TBXAS1: variants seen among roughly 807,000 people sequenced by gnomAD.
TBXAS1 encodes the protein thromboxane A synthase 1, also known as thromboxane-A synthase.
In TBXAS1, 48 loss-of-function variants were observed where a neutral mutation model predicts 60.7. That is an observed-to-expected ratio of 0.79 (90% confidence interval 0.63 to 1.01). The LOEUF (loss-of-function observed/expected upper bound fraction) is 1.01. Among genes scored for constraint, TBXAS1 ranks in the 50% least tolerant of loss-of-function variants. TBXAS1 has a pLI of 0.00. For missense variants in TBXAS1, 685 were observed against 686.3 expected, an observed-to-expected ratio of 1.00 and a Z score of 0.02; for synonymous variants, 287 against 269.7, an observed-to-expected ratio of 1.06 and a Z score of -0.63.
rs1262349345 is a variant in TBXAS1, at chr7:139,817,103, C to A, written c.-79-12209C>A. Among the ~76,000 whole-genome samples the A allele has an allele frequency of 3.3e-5, 5 of 152,174 alleles. No individual in the cohort carries two copies. The South Asian group carries it at 1.0e-3, about 31-fold the overall frequency. ...TTTCATTAAGAAATATCTGAATCCT[C>A]CTCCACCGATCACTGTCCATTTTCT... On this transcript the variant is annotated intron_variant, in intron 4 of 16. Coordinates refer to the TBXAS1 transcript ENST00000336425.
intron 4 of TBXAS1, 127 bp from the exon 5 acceptor site, chr7:139,936,064 A>T: frequency 1.2e-6 from 1 of 857,710 alleles, no homozygotes; most frequent in South Asian, 1.3e-5. Flanking sequence ...CTCTCCTTGC[A>T]AGAGAAACCT....
At chr7:139,933,579 T>C (rs1342038967) in intron 4 of TBXAS1, among the ~76,000 whole-genome samples, 1 of 152,200 alleles carries the variant, frequency 6.6e-6, no homozygotes, top group Non-Finnish European at 1.5e-5. Context: ...AGAGAGGTAT[T>C]CCTCTGCAGA....
intron 4 of TBXAS1, among the ~76,000 whole-genome samples, chr7:139,794,404 C>A (rs1452420642): frequency 6.6e-6 from 1 of 152,134 alleles, no homozygotes; most frequent in Non-Finnish European, 1.5e-5. Context: ...CCAGCCAACA[C>A]TTTCTATATG....
At chr7:139,875,669 A>G in intron 3 of TBXAS1, 32 bp downstream of exon 3, 1 of 1,613,058 alleles carries the variant, frequency 6.2e-7, no homozygotes, top group Non-Finnish European at 8.5e-7. Context: ...TCTATTATGT[A>G]CGATATTTTC....
chr7:139,900,587 C>A (rs1437015965), intron 3 of TBXAS1, among the ~76,000 whole-genome samples: 1 of 152,160 alleles, frequency 6.6e-6, no homozygotes, highest in Non-Finnish European at 1.5e-5. Flanking sequence ...TTATGGGAAA[C>A]CCAACACAAA....
intron 4 of TBXAS1, among the ~76,000 whole-genome samples, chr7:139,917,215 GA>G (rs1184243744): frequency 6.6e-6 from 1 of 152,174 alleles, no homozygotes; most frequent in Non-Finnish European, 1.5e-5. Context: ...AGAGGGCAGT[GA>G]AACCAGAAAC....
In TBXAS1 at chr7:139,888,117, G is replaced by A. The variant is rs137991708; in HGVS notation, c.236+12480G>A. ...CAGTAAGCGCATTTTTAACCAAACC[G>A]ACCCCATTATCAACAAATGCTTGCA... On this transcript the variant is annotated intron_variant, in intron 3 of 12. Transcript: ENST00000448866. Among the ~76,000 whole-genome samples, 31 of 152,246 alleles carry A rather than the reference G, an allele frequency of 2.0e-4. No individual in the cohort carries two copies. The East Asian group carries it at 3.9e-3, about 19-fold the overall frequency.
chr7:139,920,248 T>G (rs976897188), intron 4 of TBXAS1, among the ~76,000 whole-genome samples: 10 of 152,228 alleles, frequency 6.6e-5, no homozygotes, highest in African/African-American at 1.7e-4. Flanking sequence ...CTGGGTTTTC[T>G]GTCCCCCTCT....
At chr7:139,982,663 G>T (rs1417041006) in intron 9 of TBXAS1, among the ~76,000 whole-genome samples, 1 of 152,110 alleles carries the variant, frequency 6.6e-6, no homozygotes, top group Admixed American at 6.5e-5. Flanking sequence ...TGTTCTAGTT[G>T]ATTTCATTTC....
intron 4 of TBXAS1, among the ~76,000 whole-genome samples, chr7:139,816,981 G>T (rs896077676): frequency 6.6e-6 from 1 of 152,144 alleles, no homozygotes; most frequent in African/African-American, 2.4e-5. Flanking sequence ...TCCTGGGGAA[G>T]GTCTGATTTG....
intron 4 of TBXAS1, among the ~76,000 whole-genome samples, chr7:139,924,507 G>C (rs981733203): frequency 6.6e-6 from 1 of 151,600 alleles, no homozygotes; most frequent in Admixed American, 6.6e-5. Flanking sequence ...GGATTATTAG[G>C]TTTTTTTCCT....
Position 139,907,905 on chromosome 7 carries a change from G to A in TBXAS1, c.237-3320G>A, listed in dbSNP as rs186127075. ...GCTTTAATAGTTTGTAATTTTCATA[G>A]AATTGGTCAATTTCTTTCTAGTTTT... is the stretch of plus-strand genomic sequence containing the variant. On this transcript the variant is annotated intron_variant, in intron 3 of 12. Transcript: ENST00000448866. Among the ~76,000 whole-genome samples, 166 of 152,046 alleles carry A rather than the reference G, an allele frequency of 1.1e-3. 1 individual carries two copies. Among genetic ancestry groups the A allele is most frequent in the African/African-American group, 3.8e-3 (157 of 41,538 alleles).
intron 1 of TBXAS1, among the ~76,000 whole-genome samples, chr7:139,844,563 C>A (rs942515335): frequency 2.0e-5 from 3 of 152,186 alleles, no homozygotes; most frequent in South Asian, 2.1e-4. Context: ...TAACCTGCAC[C>A]ACCATCGCGT....
At chr7:139,853,324 G>A (rs1394106528) in intron 1 of TBXAS1, among the ~76,000 whole-genome samples, 5 of 152,156 alleles carry the variant, frequency 3.3e-5, no homozygotes, top group Non-Finnish European at 1.5e-5. Context: ...TGGGCAACTG[G>A]CTGCTCTGCA....
chr7:139,787,146 A>T (rs1387114482), intron 3 of TBXAS1, among the ~76,000 whole-genome samples: 1 of 152,252 alleles, frequency 6.6e-6, no homozygotes, highest in African/African-American at 2.4e-5. Context: ...AGTGTAAGTT[A>T]AGAAAAAAAC....
chr7:139,813,175 C>T (rs141879890), intron 4 of TBXAS1, among the ~76,000 whole-genome samples: 1 of 152,326 alleles, frequency 6.6e-6, no homozygotes, highest in African/African-American at 2.4e-5. Flanking sequence ...CTCAGTTCAT[C>T]CTCTGAGGAG....
At chr7:140,012,902 G>A (rs567851812) in intron 10 of TBXAS1, among the ~76,000 whole-genome samples, 15 of 152,266 alleles carry the variant, frequency 9.9e-5, no homozygotes, top group East Asian at 1.9e-4. Flanking sequence ...GTGACAGCAC[G>A]TTTGTTTAAC....
chr7:139,808,528 A>G (rs1466657403), intron 4 of TBXAS1, among the ~76,000 whole-genome samples: 1 of 152,102 alleles, frequency 6.6e-6, no homozygotes, highest in Non-Finnish European at 1.5e-5. Flanking sequence ...ACCACATGTA[A>G]CAGCTTGCTG....
At chr7:139,995,695 G>C (rs1200295670) in intron 9 of TBXAS1, among the ~76,000 whole-genome samples, 1 of 152,206 alleles carries the variant, frequency 6.6e-6, no homozygotes, top group Non-Finnish European at 1.5e-5. Flanking sequence ...CCTGCCCCAC[G>C]TGGAGTCAGA....
Sources: gnomAD v4.1 joint callset for allele counts (sites outside exome capture counted in the v4.1 genomes callset) on GRCh38, gnomAD v4.1.1 for gene constraint, MANE v1.5 for transcripts, NCBI Gene and HGNC (gene_info 2026-07-23, HGNC 2026-07-21) for gene names.